Variants in PPP6R3 observed in about 807,000 individuals in gnomAD.
PPP6R3 encodes protein phosphatase 6 regulatory subunit 3, also known as serine/threonine-protein phosphatase 6 regulatory subunit 3.
PPP6R3 carries 38 observed loss-of-function variants against 110.7 expected under a neutral mutation model. That is an observed-to-expected ratio of 0.34 (90% CI 0.26 to 0.45). PPP6R3 has a LOEUF of 0.45. Among genes scored for constraint, PPP6R3 ranks in the 20% least tolerant of loss-of-function variants. The pLI is 1.00. For missense variants in PPP6R3, 870 were observed against 1,062.4 expected, an observed-to-expected ratio of 0.82 and a Z score of 2.52; for synonymous variants, 369 against 373.5, an observed-to-expected ratio of 0.99 and a Z score of 0.14.
chr11:68,600,391 G>T lies in PPP6R3; in HGVS notation c.2089G>T (p.Ala697Ser), dbSNP rs146691180. Residue 697 changes from alanine to serine, a missense_variant, in exon 20 of 24, where the codon GCT (alanine) becomes TCT (serine). Coordinates refer to ENST00000393800, the MANE Select transcript of PPP6R3 (RefSeq NM_001164161.2). ...FDVPMETTHGAPLDSVGSDVW... is the reference protein window; with the variant it reads ...FDVPMETTHGSPLDSVGSDVW... Reference sequence around the variant, plus strand: ...TGTCCCAATGGAAACAACCCACGGTGCTCCATTGGATTCTGTGGGATCTGA... The same window carrying T: ...TGTCCCAATGGAAACAACCCACGGTTCTCCATTGGATTCTGTGGGATCTGA... The T allele has an allele frequency of 2.6e-5, 42 of 1,613,946 alleles. 1 individual carries two copies. The highest frequency in any genetic ancestry group is 2.0e-4 in the South Asian group (18 of 91,092).
chr11:68,541,186 C>T (rs996447083), intron 3 of PPP6R3, among the ~76,000 whole-genome samples: 5 of 152,192 alleles, frequency 3.3e-5, no homozygotes, highest in African/African-American at 9.7e-5. Flanking sequence ...TCACAATCTA[C>T]GTTCTTCTGC....
At chr11:68,496,853 CTTTTTTTTTTTTTTTT>C (rs1157617908) in intron 1 of PPP6R3, among the ~76,000 whole-genome samples, 1 of 61,274 alleles carries the variant, frequency 1.6e-5, no homozygotes, top group Non-Finnish European at 3.0e-5. Context: ...ATATTCTTGT[CTTTTTTTTTTTTTTTT>C]TTTTTTTTTT....
At chr11:68,503,157 T>C (rs1319879452) in intron 1 of PPP6R3, among the ~76,000 whole-genome samples, 1 of 152,120 alleles carries the variant, frequency 6.6e-6, no homozygotes, top group East Asian at 1.9e-4. Flanking sequence ...TTGGACAGGC[T>C]GGTCTCAAAC....
intron 1 of PPP6R3, among the ~76,000 whole-genome samples, chr11:68,485,694 TA>T (rs1463302355): frequency 1.3e-5 from 2 of 151,928 alleles, no homozygotes; most frequent in Non-Finnish European, 2.9e-5. Flanking sequence ...TTAATTGATT[TA>T]AAAAATTATT....
intron 10 of PPP6R3, 121 bp from the exon 11 acceptor site, chr11:68,569,627 G>T: frequency 2.4e-6 from 2 of 848,670 alleles, no homozygotes; most frequent in Non-Finnish European, 1.7e-6. Context: ...CCTTTTAATT[G>T]GTCCTTTTGG....
At chr11:68,587,890 A>G in intron 15 of PPP6R3, 37 bp from the exon 16 acceptor site, 1 of 1,500,342 alleles carries the variant, frequency 6.7e-7, no homozygotes, top group Non-Finnish European at 9.3e-7. Context: ...TATCATTAGA[A>G]TCATTATATC....
chr11:68,471,117 TA>T (rs945905169), intron 1 of PPP6R3, among the ~76,000 whole-genome samples: 5 of 150,576 alleles, frequency 3.3e-5, no homozygotes, highest in South Asian at 2.1e-4. Flanking sequence ...CCGTCTCTAC[TA>T]AAAAAAATAC....
intron 2 of PPP6R3, among the ~76,000 whole-genome samples, chr11:68,527,074 C>T (rs570560248): frequency 5.9e-5 from 9 of 152,204 alleles, no homozygotes; most frequent in Middle Eastern, 3.4e-3. Flanking sequence ...TTGTGTATTT[C>T]CCAGACAGCT....
chr11:68,538,845 C>G (rs757573474), intron 3 of PPP6R3, among the ~76,000 whole-genome samples: 7 of 152,178 alleles, frequency 4.6e-5, no homozygotes, highest in African/African-American at 1.7e-4. Flanking sequence ...AAAGGCTGGG[C>G]GCGGTGGCTC....
At chr11:68,550,912 A>G (rs566550585) in intron 5 of PPP6R3, 1 of 477,630 alleles carries the variant, frequency 2.1e-6, no homozygotes, top group East Asian at 3.3e-5. Context: ...TAATTTGGGG[A>G]GTTGTTGGTA....
intron 4 of PPP6R3, among the ~76,000 whole-genome samples, chr11:68,545,647 T>C (rs1021040908): frequency 1.3e-5 from 2 of 152,216 alleles, no homozygotes; most frequent in African/African-American, 4.8e-5. Flanking sequence ...ACCTGAGAAT[T>C]TGTTAGAAAT....
intron 9 of PPP6R3, 29 bp from the exon 10 acceptor site, chr11:68,566,985 A>G (rs1403253030): frequency 1.2e-5 from 19 of 1,534,768 alleles, no homozygotes; most frequent in Non-Finnish European, 1.7e-5. Context: ...ATTTAACTGA[A>G]TTTAATTGGA....
chr11:68,537,919 G>A (rs767431857), intron 3 of PPP6R3, 28 bp downstream of exon 3: 1 of 1,531,848 alleles, frequency 6.5e-7, no homozygotes, highest in Non-Finnish European at 9.0e-7. Flanking sequence ...TCTCTGTAGA[G>A]TGGGACTAAA....
chr11:68,567,745 C>T (rs1052208328), intron 10 of PPP6R3, among the ~76,000 whole-genome samples: 8 of 152,154 alleles, frequency 5.3e-5, no homozygotes, highest in African/African-American at 1.9e-4. Context: ...TGTGTGCTGC[C>T]ACCCACAGCA....
At chr11:68,585,718 A>T (rs898724362) in intron 15 of PPP6R3, among the ~76,000 whole-genome samples, 2 of 151,870 alleles carry the variant, frequency 1.3e-5, no homozygotes, top group Admixed American at 6.6e-5. Flanking sequence ...ACATCTGATC[A>T]TTTTCCTTTT....
At chr11:68,581,348 T>C (rs1202572509) in intron 14 of PPP6R3, among the ~76,000 whole-genome samples, 4 of 152,242 alleles carry the variant, frequency 2.6e-5, no homozygotes, top group African/African-American at 9.6e-5. Flanking sequence ...CATCTTTAAT[T>C]AAAGAGTGTT....
At chr11:68,480,495 G>A (rs1250779001) in intron 1 of PPP6R3, among the ~76,000 whole-genome samples, 4 of 152,238 alleles carry the variant, frequency 2.6e-5, no homozygotes, top group Non-Finnish European at 5.9e-5. Flanking sequence ...TTCTAGGGTA[G>A]GGATGGAGGT....
At chr11:68,523,974 A>G (rs1017884831) in intron 2 of PPP6R3, among the ~76,000 whole-genome samples, 4 of 151,604 alleles carry the variant, frequency 2.6e-5, no homozygotes, top group Non-Finnish European at 4.4e-5. Context: ...AATCTTTTCT[A>G]TTTTCTTACT....
chr11:68,517,066 G>T (rs1269819387), intron 1 of PPP6R3, among the ~76,000 whole-genome samples: 2 of 150,788 alleles, frequency 1.3e-5, no homozygotes, highest in East Asian at 1.9e-4. Flanking sequence ...ACGGTTTTGA[G>T]AATTATTTAT....
Sources: allele counts gnomAD v4.1 joint callset (sites outside exome capture counted in the v4.1 genomes callset), GRCh38; gene constraint gnomAD v4.1.1; transcripts MANE v1.5; gene names NCBI Gene and HGNC (gene_info 2026-07-23, HGNC 2026-07-21).